The following BLTP1 variants were observed in gnomAD, a reference collection of about 807,000 sequenced individuals.
The protein encoded by BLTP1 is bridge-like lipid transfer protein family member 1.
the BLTP1 span, chr4:122,263,403 A>G: frequency 1.1e-5 from 16 of 1,521,180 alleles, no homozygotes; most frequent in African/African-American, 1.4e-5. Context: ...GCTCCTTAGT[A>G]TATAAATAAT....
chr4:122,261,432 G>T, the BLTP1 span: 1 of 985,194 alleles, frequency 1.0e-6, no homozygotes, highest in South Asian at 4.7e-5. Flanking sequence ...TGCTTTTCAA[G>T]ATCTTTTTTG....
the BLTP1 span, chr4:122,203,839 CAT>C: frequency 1.9e-6 from 1 of 540,230 alleles, no homozygotes; most frequent in Non-Finnish European, 2.4e-6. Flanking sequence ...CAACATTTCA[CAT>C]GAGTTGTTAA....
the BLTP1 span, chr4:122,331,303 A>G: frequency 3.1e-6 from 5 of 1,597,926 alleles, no homozygotes; most frequent in African/African-American, 6.7e-5. Flanking sequence ...CTACAATGTA[A>G]TGATCAATTG....
chr4:122,213,574 C>T, the BLTP1 span, among the ~76,000 whole-genome samples: 2 of 151,384 alleles, frequency 1.3e-5, no homozygotes, highest in African/African-American at 2.4e-5. Context: ...AATTAAACAT[C>T]AAGAAATTAT....
chr4:122,280,170 A>G, the BLTP1 span: 8 of 985,442 alleles, frequency 8.1e-6, no homozygotes, highest in Non-Finnish European at 9.6e-6. Flanking sequence ...ATTAAAGTAC[A>G]GTGTCGTCAG....
the BLTP1 span, chr4:122,267,483 T>C: frequency 1.8e-3 from 345 of 189,246 alleles, 1 homozygote; most frequent in Non-Finnish European, 2.9e-3. Flanking sequence ...TTAGGCATAT[T>C]TTTGAACCAC....
the BLTP1 span, among the ~76,000 whole-genome samples, chr4:122,314,701 A>G: frequency 6.6e-6 from 1 of 152,174 alleles, no homozygotes; most frequent in Non-Finnish European, 1.5e-5. Flanking sequence ...ACCAAGGCCT[A>G]GAGTCTGACA....
At chr4:122,315,260 G>A in the BLTP1 span, 1 of 267,400 alleles carries the variant, frequency 3.7e-6, no homozygotes. Context: ...TAGTTCATAG[G>A]GAAAAAGAAA....
At chr4:122,238,749 C>T in the BLTP1 span, among the ~76,000 whole-genome samples, 1 of 152,170 alleles carries the variant, frequency 6.6e-6, no homozygotes, top group African/African-American at 2.4e-5. Context: ...AAAATTTCGT[C>T]CCACCTCCTT....
At chr4:122,172,383 C>G in the BLTP1 span, 75 of 658,506 alleles carry the variant, frequency 1.1e-4, no homozygotes, top group Middle Eastern at 7.7e-4. Flanking sequence ...TATTCATGAA[C>G]TAGATTTTTT....
At chr4:122,191,422 G>A in the BLTP1 span, among the ~76,000 whole-genome samples, 1 of 152,054 alleles carries the variant, frequency 6.6e-6, no homozygotes. Context: ...CTTTTATGAT[G>A]AGACCACCAA....
At chr4:122,182,634 C>A in the BLTP1 span, 1 of 985,166 alleles carries the variant, frequency 1.0e-6, no homozygotes, top group Non-Finnish European at 1.2e-6. Flanking sequence ...CATTCTGCTT[C>A]CTGACAAATG....
the BLTP1 span, among the ~76,000 whole-genome samples, chr4:122,160,667 A>C: frequency 6.6e-6 from 1 of 152,090 alleles, no homozygotes; most frequent in Non-Finnish European, 1.5e-5. Flanking sequence ...TGAATTAAAC[A>C]CTCCTTGAAA....
At chr4:122,163,678 A>C in the BLTP1 span, among the ~76,000 whole-genome samples, 2 of 152,214 alleles carry the variant, frequency 1.3e-5, no homozygotes, top group Non-Finnish European at 2.9e-5. Flanking sequence ...GATAGGTACT[A>C]TTAGTGTCCT....
chr4:122,349,345 A>ATATC, the BLTP1 span: 1 of 1,603,232 alleles, frequency 6.2e-7, no homozygotes, highest in Non-Finnish European at 8.5e-7. The surrounding 1 kb of genome is among the most constrained non-coding windows in gnomAD (Gnocchi z 4.5). Flanking sequence ...CTGACCTAAC[A>ATATC]TATCCTTAAG....
the BLTP1 span, among the ~76,000 whole-genome samples, chr4:122,173,429 G>A: frequency 1.7e-4 from 26 of 152,068 alleles, no homozygotes; most frequent in Non-Finnish European, 1.8e-4. Context: ...TTTTCCTCTT[G>A]TAAAGCCACT....
chr4:122,224,455 G>C, the BLTP1 span: 1 of 1,570,780 alleles, frequency 6.4e-7, no homozygotes, highest in Non-Finnish European at 8.6e-7. Context: ...ATTATAATGT[G>C]ATTTTCTTAT....
At chr4:122,321,979 A>ATTTTTTTTTTTTTTTTTTTT in the BLTP1 span, among the ~76,000 whole-genome samples, 17 of 27,014 alleles carry the variant, frequency 6.3e-4, 1 homozygote, top group East Asian at 5.0e-3. Context: ...ACTACATGTA[A>ATTTTTTTTTTTTTTTTTTTT]TTTTTTTTTT....
the BLTP1 span, chr4:122,328,367 C>T: frequency 5.0e-6 from 8 of 1,597,416 alleles, no homozygotes; most frequent in South Asian, 3.3e-5. Context: ...CGTGAGTAAC[C>T]TTATTTTAAG....
Sources: gnomAD v4.1 joint callset for allele counts (sites outside exome capture counted in the v4.1 genomes callset) on GRCh38, gnomAD v4.1.1 for gene constraint, Gnocchi (gnomAD v3.1) non-coding constraint, MANE v1.5 for transcripts, NCBI Gene and HGNC (gene_info 2026-07-23, HGNC 2026-07-21) for gene names.